The following SEMA5B variants were observed in gnomAD, a reference collection of about 807,000 sequenced individuals.
The protein encoded by SEMA5B is semaphorin-5B.
A neutral mutation model predicts 135.0 loss-of-function variants in SEMA5B; 66 were observed. That is an observed-to-expected ratio of 0.49 (90% confidence interval 0.40 to 0.60). The LOEUF (loss-of-function observed/expected upper bound fraction) is 0.60, where lower values mean the gene tolerates loss of function less well. Among genes scored for constraint, SEMA5B ranks in the 20% least tolerant of loss-of-function variants. SEMA5B has a pLI of 0.00. For synonymous variants in SEMA5B, 690 were observed against 639.5 expected, an observed-to-expected ratio of 1.08 and a Z score of -1.19; for missense variants, 1,501 against 1,566.3, an observed-to-expected ratio of 0.96 and a Z score of 0.70.
chr3:122,949,664 A>T (rs1233506360), intron 2 of SEMA5B, among the ~76,000 whole-genome samples: 1 of 152,230 alleles, frequency 6.6e-6, no homozygotes, highest in African/African-American at 2.4e-5. Context: ...ATGTCACAAG[A>T]TTCCTAATTG....
rs151012877 is a variant in SEMA5B, at chr3:123,016,473, G to A, written c.-39+10991C>T. Among the ~76,000 whole-genome samples, 598 of 152,256 alleles carry A rather than the reference G, an allele frequency of 3.9e-3. 7 individuals carry two copies. The highest frequency in any genetic ancestry group is 0.011 in the African/African-American group (442 of 41,536). ...AATTACTTGTAACACCTAATACAAC[G>A]TAAGTACTACGTAAATAGTTGTTAT... On this transcript the variant is annotated intron_variant, in intron 1 of 22. Transcript: ENST00000357599.
At chr3:122,937,526 C>G (rs1372430343) in intron 5 of SEMA5B, among the ~76,000 whole-genome samples, 1 of 152,190 alleles carries the variant, frequency 6.6e-6, no homozygotes, top group Non-Finnish European at 1.5e-5. Context: ...TGAATCCAGT[C>G]TGAAATCCTG....
At position 122,915,814 on chromosome 3, in the gene SEMA5B, A is replaced by G; in HGVS notation, c.1765T>C (p.Ser589Pro). The G allele has an allele frequency of 3.1e-6, 5 of 1,613,974 alleles. No individual in the cohort carries two copies. Among genetic ancestry groups the G allele is most frequent in the Non-Finnish European group, 4.2e-6 (5 of 1,179,986 alleles). ...TTCTGGGTCCAGAGGCTCATGTTGG[A>G]GCTGTCCTCGAGTGTGCTGCAACGT... Reference protein sequence around the residue: ...QQRCSTLEDSSNMSLWTQNIT... With the variant: ...QQRCSTLEDSPNMSLWTQNIT... Residue 589 changes from serine (S) to proline (P), a missense_variant, in exon 13 of 23, where the codon TCC becomes CCC. Ser to Pro is a moderately conservative substitution (Grantham distance 74). Coordinates refer to ENST00000357599, the MANE Select transcript of SEMA5B (RefSeq NM_001031702.4).
intron 1 of SEMA5B, among the ~76,000 whole-genome samples, chr3:122,962,190 C>T (rs1940612557): frequency 6.6e-6 from 1 of 152,210 alleles, no homozygotes; most frequent in African/African-American, 2.4e-5. Flanking sequence ...CTTTGGTGAG[C>T]CATTATTCTG....
intron 5 of SEMA5B, among the ~76,000 whole-genome samples, chr3:122,929,362 G>T (rs981968888): frequency 3.9e-5 from 6 of 152,192 alleles, no homozygotes; most frequent in African/African-American, 1.4e-4. Context: ...ATCTGCCCTC[G>T]GAGTCAGCCA....
At chr3:122,933,670 T>C (rs1403918184) in intron 5 of SEMA5B, among the ~76,000 whole-genome samples, 3 of 152,176 alleles carry the variant, frequency 2.0e-5, no homozygotes, top group Non-Finnish European at 4.4e-5. Context: ...GAACTCTTAA[T>C]ATTCCAATCC....
rs1014130090 is a variant in SEMA5B, at chr3:122,961,224, G to C, written c.40C>G (p.Leu14Val). 3.7e-6 allele frequency: 6 copies of C among 1,614,082 alleles called. No individual in the cohort carries two copies. Among genetic ancestry groups the C allele is most frequent in the Non-Finnish European group, 5.1e-6 (6 of 1,179,972 alleles). ...GGGGTATCAGGCGGCCCAGGGACGAGGTGGTGGGCAACAGGAGACGGACTG... is the reference window on the plus strand; with the variant it reads ...GGGGTATCAGGCGGCCCAGGGACGACGTGGTGGGCAACAGGAGACGGACTG... Reference protein sequence around the residue: ...GFSPSPVAHHLVPGPPDTPAQ... With the variant: ...GFSPSPVAHHVVPGPPDTPAQ... The change falls in exon 2 of 23, where the codon CTC (leucine) becomes GTC (valine). Residue 14 changes from leucine to valine, a missense_variant. Leu to Val is a conservative substitution (Grantham distance 32, BLOSUM62 1). Coordinates refer to ENST00000357599, the MANE Select transcript of SEMA5B (RefSeq NM_001031702.4).
At chr3:122,923,788 T>C in intron 9 of SEMA5B, 36 bp from the exon 10 acceptor site, 1 of 1,612,844 alleles carries the variant, frequency 6.2e-7, no homozygotes, top group Non-Finnish European at 8.5e-7. Context: ...GGGCCCTCCC[T>C]GTAAGACCTG....
intron 1 of SEMA5B, among the ~76,000 whole-genome samples, chr3:122,965,410 A>G (rs973752867): frequency 6.6e-6 from 1 of 152,216 alleles, no homozygotes; most frequent in Non-Finnish European, 1.5e-5. Context: ...AGGCTCTGGG[A>G]AGACATTTGT....
At chr3:123,014,091 G>A (rs1323204855) in intron 1 of SEMA5B, among the ~76,000 whole-genome samples, 1 of 152,228 alleles carries the variant, frequency 6.6e-6, no homozygotes, top group Non-Finnish European at 1.5e-5. Flanking sequence ...ACATGCAAAT[G>A]AGGCTCAGAA....
At chr3:122,938,809 T>C (rs1386332798) in intron 5 of SEMA5B, among the ~76,000 whole-genome samples, 1 of 152,224 alleles carries the variant, frequency 6.6e-6, no homozygotes, top group Non-Finnish European at 1.5e-5. Flanking sequence ...TTGACATCTG[T>C]TTCTCAATCT....
intron 1 of SEMA5B, among the ~76,000 whole-genome samples, chr3:122,999,947 C>G (rs1287674574): frequency 6.6e-6 from 1 of 152,234 alleles, no homozygotes; most frequent in African/African-American, 2.4e-5. Flanking sequence ...TAGTGGCTCA[C>G]GCCTGTAATC....
Position 122,910,004 on chromosome 3 carries a change from C to T in SEMA5B, c.*139G>A, listed in dbSNP as rs1324919911. ...AATGCCAGCCAGAGCTCTCTGAAGC[C>T]GGATGGGACCCCCCACAGGCAAGGC... On this transcript the variant is annotated 3_prime_UTR_variant, in exon 23 of 23. Transcript: ENST00000357599. The T allele has an allele frequency of 1.1e-5, 10 of 878,906 alleles. No homozygotes were observed. Among genetic ancestry groups the T allele is most frequent in the South Asian group, 5.5e-5 (3 of 55,006 alleles). 54.4% of individuals were successfully genotyped at this position (878,906 alleles called of 1,614,324 possible).
intron 5 of SEMA5B, among the ~76,000 whole-genome samples, chr3:122,937,782 T>C (rs1939364497): frequency 6.6e-6 from 1 of 152,180 alleles, no homozygotes; most frequent in South Asian, 2.1e-4. Flanking sequence ...TTTCTGTGTA[T>C]CTATTTCTCT....
At chr3:123,013,498 T>C (rs1232627874) in intron 1 of SEMA5B, among the ~76,000 whole-genome samples, 2 of 152,218 alleles carry the variant, frequency 1.3e-5, no homozygotes, top group Non-Finnish European at 2.9e-5. Context: ...GTAGGTATGA[T>C]GGCCATTTTA....
At chr3:122,944,773 A>C (rs1939711135) in intron 3 of SEMA5B, among the ~76,000 whole-genome samples, 1 of 152,148 alleles carries the variant, frequency 6.6e-6, no homozygotes, top group African/African-American at 2.4e-5. Context: ...TGCTGGAGAC[A>C]CACTTCTCCC....
At chr3:122,959,204 G>T (rs1940469346) in intron 2 of SEMA5B, among the ~76,000 whole-genome samples, 1 of 152,182 alleles carries the variant, frequency 6.6e-6, no homozygotes, top group Non-Finnish European at 1.5e-5. Flanking sequence ...TTTATATTAT[G>T]CCGTTTAATC....
At chr3:122,986,593 T>TTGTGTGTGTGTGTGTG (rs145873533) in intron 1 of SEMA5B, among the ~76,000 whole-genome samples, 7 of 144,282 alleles carry the variant, frequency 4.9e-5, no homozygotes, top group African/African-American at 7.6e-5. Flanking sequence ...CAGAGCATAT[T>TTGTGTGTGTGTGTGTG]TGTGTGTGTG....
chr3:123,012,930 G>A (rs1181138996), intron 1 of SEMA5B, among the ~76,000 whole-genome samples: 1 of 152,230 alleles, frequency 6.6e-6, no homozygotes, highest in Non-Finnish European at 1.5e-5. Flanking sequence ...CATGGAAGGT[G>A]CCTGGAGAGG....
Sources: gnomAD v4.1 joint callset for allele counts (sites outside exome capture counted in the v4.1 genomes callset) on GRCh38, gnomAD v4.1.1 for gene constraint, MANE v1.5 for transcripts, NCBI Gene and HGNC (gene_info 2026-07-23, HGNC 2026-07-21) for gene names.